Variants in ATP9A observed in about 807,000 individuals in gnomAD.
The protein encoded by ATP9A is ATPase phospholipid transporting 9A.
A neutral mutation model predicts 144.1 loss-of-function variants in ATP9A; 52 were observed. The ratio of observed to expected loss-of-function variants is 0.36; its 90% CI spans 0.29 to 0.45. The LOEUF (loss-of-function observed/expected upper bound fraction) is 0.45, where lower values mean the gene tolerates loss of function less well. Ranked by LOEUF, ATP9A falls within the 20% of genes least tolerant of loss-of-function variation. ATP9A has a pLI of 1.00. For synonymous variants in ATP9A, 582 were observed against 557.4 expected (o/e 1.04, Z -0.62); for missense variants, 947 against 1,392.7 (o/e 0.68, Z 5.09).
At chr20:51,730,461 C>T (rs8118676) in intron 1 of ATP9A, among the ~76,000 whole-genome samples, 10,247 of 152,168 alleles carry the variant, frequency 0.067, 777 homozygotes, top group African/African-American at 0.19. Flanking sequence ...ACTGAGACTT[C>T]GTCTCAAAAA....
chr20:51,736,442 T>C (rs1285171466), intron 1 of ATP9A, among the ~76,000 whole-genome samples: 2 of 152,028 alleles, frequency 1.3e-5, no homozygotes, highest in Non-Finnish European at 2.9e-5. Flanking sequence ...ATAATGGGTA[T>C]AGGGTTTCTT....
intron 13 of ATP9A, among the ~76,000 whole-genome samples, chr20:51,668,150 A>G (rs1601093166): frequency 1.3e-4 from 4 of 30,020 alleles, no homozygotes; most frequent in Admixed American, 4.9e-4. Context: ...AGGGAGGGTA[A>G]GGAAAGGAAG....
chr20:51,671,893 G>C (rs1171365044), intron 11 of ATP9A, among the ~76,000 whole-genome samples: 1 of 152,040 alleles, frequency 6.6e-6, no homozygotes, highest in Non-Finnish European at 1.5e-5. Context: ...TTGCCTCCCG[G>C]GTTCAAACGA....
intron 17 of ATP9A, among the ~76,000 whole-genome samples, chr20:51,627,289 G>C (rs140052876): frequency 9.8e-5 from 15 of 152,298 alleles, no homozygotes; most frequent in African/African-American, 3.6e-4. Flanking sequence ...CAAATGCAAT[G>C]AACAAAGTGA....
At chr20:51,612,365 C>A (rs1000295095) in intron 23 of ATP9A, among the ~76,000 whole-genome samples, 11 of 152,298 alleles carry the variant, frequency 7.2e-5, no homozygotes, top group African/African-American at 2.2e-4. Flanking sequence ...AAAATATTTT[C>A]TTTCCCTCCT....
Position 51,685,485 on chromosome 20 carries a change from C to T in ATP9A, c.799+3579G>A, listed in dbSNP as rs2077519231. Among the ~76,000 whole-genome samples the T allele has an allele frequency of 2.0e-5, 3 of 152,090 alleles. No homozygotes were observed. The South Asian group carries it at 6.2e-4, about 32-fold the overall frequency. On this transcript the variant is annotated intron_variant, in intron 9 of 27. Coordinates refer to ENST00000338821, the MANE Select transcript of ATP9A (RefSeq NM_006045.3). ...GCTGAGGCAGGAGAATCACTTCAAC[C>T]TGGGAAGGTGGAGGTTGCAGTGAGC...
intron 15 of ATP9A, among the ~76,000 whole-genome samples, chr20:51,631,348 G>A (rs887130383): frequency 8.5e-5 from 13 of 152,118 alleles, no homozygotes; most frequent in African/African-American, 2.9e-4. Context: ...TGCTCTTGAC[G>A]CAGGCCAAAG....
chr20:51,736,040 G>C (rs73911386), intron 1 of ATP9A, among the ~76,000 whole-genome samples: 1 of 152,348 alleles, frequency 6.6e-6, no homozygotes, highest in South Asian at 2.1e-4. Flanking sequence ...CTCCGGGAAT[G>C]GGTGGCCAGG....
chr20:51,632,603 C>G (rs2077274315), intron 15 of ATP9A, among the ~76,000 whole-genome samples: 1 of 152,022 alleles, frequency 6.6e-6, no homozygotes, highest in African/African-American at 2.4e-5. Flanking sequence ...ACAAATGTTG[C>G]CAGACATTCT....
chr20:51,707,197 C>A (rs780962941), intron 4 of ATP9A, among the ~76,000 whole-genome samples: 2 of 152,118 alleles, frequency 1.3e-5, no homozygotes, highest in Admixed American at 6.6e-5. Flanking sequence ...CCTGCTGTTG[C>A]CATCTTGAGA....
At chr20:51,669,430 C>T (rs1263181569) in intron 13 of ATP9A, among the ~76,000 whole-genome samples, 1 of 152,164 alleles carries the variant, frequency 6.6e-6, no homozygotes, top group Non-Finnish European at 1.5e-5. Flanking sequence ...CTCTGATGAA[C>T]TAATTTCTTC....
intron 18 of ATP9A, among the ~76,000 whole-genome samples, chr20:51,623,893 C>T (rs2077237214): frequency 6.6e-6 from 1 of 152,140 alleles, no homozygotes; most frequent in South Asian, 2.1e-4. Context: ...ATCCCAGGCA[C>T]TCCCCTCCTC....
chr20:51,716,490 GA>G (rs11472238), intron 3 of ATP9A, among the ~76,000 whole-genome samples: 55 of 137,800 alleles, frequency 4.0e-4, no homozygotes, highest in East Asian at 8.6e-4. Context: ...ACCTGAAACA[GA>G]AAAAAAAAAA....
chr20:51,634,935 C>T (rs1201191841), intron 15 of ATP9A, among the ~76,000 whole-genome samples: 1 of 151,356 alleles, frequency 6.6e-6, no homozygotes, highest in Non-Finnish European at 1.5e-5. Context: ...AATACAAGTG[C>T]TCAGTGCCAC....
At chr20:51,691,470 A>G (rs919566403) in intron 7 of ATP9A, among the ~76,000 whole-genome samples, 2 of 152,230 alleles carry the variant, frequency 1.3e-5, no homozygotes, top group African/African-American at 2.4e-5. Context: ...CTCCGTCTCA[A>G]AAAAGAAAAG....
intron 4 of ATP9A, among the ~76,000 whole-genome samples, chr20:51,698,283 G>C (rs1040678332): frequency 1.3e-5 from 2 of 152,210 alleles, no homozygotes; most frequent in Non-Finnish European, 2.9e-5. Flanking sequence ...CAGGACTTTG[G>C]AAGGCCGAAG....
intron 1 of ATP9A, among the ~76,000 whole-genome samples, chr20:51,743,111 G>A (rs1053128335): frequency 6.6e-6 from 1 of 152,162 alleles, no homozygotes; most frequent in South Asian, 2.1e-4. Context: ...GTGACAGCCA[G>A]CCTCCCTACT....
intron 1 of ATP9A, among the ~76,000 whole-genome samples, chr20:51,753,515 C>T (rs2077842285): frequency 2.0e-5 from 3 of 152,080 alleles, no homozygotes; most frequent in Admixed American, 2.0e-4. Context: ...GGTTCCTAGT[C>T]ATAAAACAAT....
At chr20:51,671,343 G>T in intron 11 of ATP9A, 86 bp from the exon 12 acceptor site, 2 of 1,483,310 alleles carry the variant, frequency 1.3e-6, no homozygotes, top group Non-Finnish European at 1.8e-6. Context: ...CTAAACACAT[G>T]TGCCATCGCA....
Sources: allele counts gnomAD v4.1 joint callset (sites outside exome capture counted in the v4.1 genomes callset), GRCh38; gene constraint gnomAD v4.1.1; transcripts MANE v1.5; gene names NCBI Gene and HGNC (gene_info 2026-07-23, HGNC 2026-07-21).